The following APH1B variants were observed in gnomAD, a reference collection of about 807,000 sequenced individuals.
APH1B encodes gamma-secretase subunit APH-1B.
Under a neutral mutation model 28.2 loss-of-function variants are expected in APH1B, and 27 were observed. That is an observed-to-expected ratio of 0.96 (90% CI 0.70 to 1.32). The LOEUF (loss-of-function observed/expected upper bound fraction) is 1.32, where lower values mean the gene tolerates loss of function less well. Ranked by LOEUF, APH1B falls within the 40% of genes most tolerant of loss-of-function variation. The pLI, the probability that APH1B is intolerant of heterozygous loss-of-function variation, is 0.00. For synonymous variants in APH1B, 141 were observed against 124.6 expected, an observed-to-expected ratio of 1.13 and a Z score of -0.88; for missense variants, 305 against 313.6, an observed-to-expected ratio of 0.97 and a Z score of 0.21.
intron 4 of APH1B, among the ~76,000 whole-genome samples, chr15:63,294,339 C>G (rs2038541010): frequency 1.3e-5 from 2 of 152,212 alleles, no homozygotes; most frequent in South Asian, 2.1e-4. Context: ...TAGCCCCGCC[C>G]CCCGGCAACC....
At chr15:63,282,376 A>G (rs1334378572) in intron 2 of APH1B, among the ~76,000 whole-genome samples, 3 of 152,196 alleles carry the variant, frequency 2.0e-5, no homozygotes, top group African/African-American at 7.2e-5. Context: ...TATTCATTGC[A>G]ATCTAATAAT....
chr15:63,295,334 G>T (rs2038553886), intron 4 of APH1B, among the ~76,000 whole-genome samples: 1 of 152,242 alleles, frequency 6.6e-6, no homozygotes, highest in African/African-American at 2.4e-5. Flanking sequence ...TTAGGGGATT[G>T]TACTCCAGGC....
Position 63,305,596 on chromosome 15 carries a change from T to C in APH1B, c.607-18T>C, listed in dbSNP as rs2038677853. 17 of 1,613,166 alleles carry C rather than the reference T, an allele frequency of 1.1e-5. No homozygotes were observed. The highest frequency in any genetic ancestry group is 1.4e-5 in the Non-Finnish European group (16 of 1,179,656). ...AGCTTGCTGTTATTACCCAAGCTGATTTATTTTTCTTTTGCAGACCTTCAT... is the reference window on the plus strand; with the variant it reads ...AGCTTGCTGTTATTACCCAAGCTGACTTATTTTTCTTTTGCAGACCTTCAT... On this transcript the variant is annotated intron_variant, in intron 5 of 5. Coordinates refer to ENST00000261879, the MANE Select transcript of APH1B (RefSeq NM_031301.4).
At chr15:63,299,722 TGAACTGTA>T (rs2038604729) in intron 4 of APH1B, among the ~76,000 whole-genome samples, 1 of 152,036 alleles carries the variant, frequency 6.6e-6, no homozygotes, top group Admixed American at 6.6e-5. Context: ...CATTTTTAAA[TGAACTGTA>T]GGCCTTGACT....
rs774621412 is a variant in APH1B at position 63,304,736 on chromosome 15, G to T, written c.607-878G>T. Among the ~76,000 whole-genome samples, 14 of 152,080 alleles carry T rather than the reference G, an allele frequency of 9.2e-5. No individual in the cohort carries two copies. Among genetic ancestry groups the T allele is most frequent in the Non-Finnish European group, 1.6e-4 (11 of 68,006 alleles). On this transcript the variant is annotated intron_variant, in intron 5 of 5. Coordinates refer to ENST00000261879, the MANE Select transcript of APH1B (RefSeq NM_031301.4). The surrounding 1 kb of genome is among the most constrained non-coding windows in gnomAD (Gnocchi z 5.1). Reference sequence around the variant, plus strand: ...ACAATCATGTATTGCTTTTGTAATTGTTTAAAAGAGGAAAAATGTTTTTTA... The same window carrying T: ...ACAATCATGTATTGCTTTTGTAATTTTTTAAAAGAGGAAAAATGTTTTTTA...
chr15:63,305,516 T>G (rs2038676900), intron 5 of APH1B, 98 bp from the exon 6 acceptor site: 1 of 1,411,176 alleles, frequency 7.1e-7, no homozygotes, highest in South Asian at 1.3e-5. Flanking sequence ...CACACCCAAG[T>G]TCTTGAAAGT....
chr15:63,298,063 G>A (rs1244280486), intron 4 of APH1B, among the ~76,000 whole-genome samples: 1 of 152,210 alleles, frequency 6.6e-6, no homozygotes, highest in Non-Finnish European at 1.5e-5. Context: ...CCAGTGGCTA[G>A]AAAGTGCCTG....
intron 1 of APH1B, chr15:63,278,255 A>T: frequency 2.2e-6 from 1 of 449,116 alleles, no homozygotes; most frequent in Non-Finnish European, 4.4e-6. Context: ...AAAAAAAAAA[A>T]AATTTAAGCT....
In APH1B at chr15:63,277,675, C is replaced by G. The variant is rs746906838; in HGVS notation, c.52C>G (p.Leu18Val). ...CGCCTTCATTGCCTTCGGGCCTGCGCTCGCCCTTTATGTCTTCACCATCGC... is the reference window on the plus strand; with the variant it reads ...CGCCTTCATTGCCTTCGGGCCTGCGGTCGCCCTTTATGTCTTCACCATCGC... Reference protein sequence around the residue: ...GCAFIAFGPALALYVFTIATE... With the variant: ...GCAFIAFGPAVALYVFTIATE... Residue 18 changes from leucine (L) to valine (V), a missense_variant, in exon 1 of 6, where the codon CTC becomes GTC. Leu to Val is a conservative substitution (Grantham distance 32, BLOSUM62 1). Transcript: ENST00000261879. The G allele has an allele frequency of 2.5e-6, 4 of 1,610,730 alleles. No homozygotes were observed. The Admixed American group carries it at 5.0e-5, about 20-fold the overall frequency.
In APH1B at chr15:63,287,536, C is replaced by G. The variant is rs1210065085; in HGVS notation, c.468C>G (p.Phe156Leu). 2 of 1,613,820 alleles carry G rather than the reference C, an allele frequency of 1.2e-6. No homozygotes were observed. The highest frequency in any genetic ancestry group is 1.7e-6 in the Non-Finnish European group (2 of 1,179,820). ...TTCATGGAGATTCTCCTCAATTCTT[C>G]CTTTATTCAGGTATGTGTCTCATAG... ...VGIHGDSPQF[F>L]LYSAFMTLVI... The change falls in exon 4 of 6, where the codon TTC becomes TTG. Residue 156 changes from phenylalanine to leucine, a missense_variant. Transcript: ENST00000261879.
chr15:63,298,386 T>A (rs2038589924), intron 4 of APH1B, among the ~76,000 whole-genome samples: 1 of 152,036 alleles, frequency 6.6e-6, no homozygotes, highest in Non-Finnish European at 1.5e-5. Context: ...AATTTTTGTA[T>A]TTGTTGTAGA....
chr15:63,279,490 T>G (rs1274660844), intron 2 of APH1B, among the ~76,000 whole-genome samples, 159 bp downstream of exon 2: 3 of 152,226 alleles, frequency 2.0e-5, no homozygotes, highest in Non-Finnish European at 4.4e-5. Context: ...GAGTGTTCTT[T>G]TATCTTGTGG....
rs1485989533 is a variant in APH1B, at chr15:63,305,791, A to C, written c.*10A>C. ...CCAGCGCTCCAGATAACCTCAGGGA[A>C]CCAGCACTTCCCAAACCGCAGACTA... On this transcript the variant is annotated 3_prime_UTR_variant, in exon 6 of 6. Coordinates refer to ENST00000261879, the MANE Select transcript of APH1B (RefSeq NM_031301.4). 6.2e-7 allele frequency: 1 copy of C among 1,609,760 alleles called. No homozygotes were observed. The highest frequency in any genetic ancestry group is 1.3e-5 in the African/African-American group (1 of 74,656).
intron 3 of APH1B, 45 bp from the exon 4 acceptor site, chr15:63,287,379 A>T: frequency 3.7e-6 from 6 of 1,605,102 alleles, no homozygotes; most frequent in Non-Finnish European, 5.1e-6. Context: ...TTTGACTTGA[A>T]ATCTTGGCAG....
rs1346759320 is a variant in APH1B, at chr15:63,306,828, A to G, written c.*1047A>G. On this transcript the variant is annotated 3_prime_UTR_variant, in exon 6 of 6. Transcript: ENST00000261879. ...CACTTTCACCCAAATGGCTTAATGTAATATTGGAAATAGATCTTAAACTGC... is the reference window on the plus strand; with the variant it reads ...CACTTTCACCCAAATGGCTTAATGTGATATTGGAAATAGATCTTAAACTGC... The G allele has an allele frequency of 6.6e-6, 1 of 152,242 alleles. No homozygotes were observed. Among genetic ancestry groups the G allele is most frequent in the East Asian group, 1.9e-4 (1 of 5,202 alleles). 9.4% of individuals were successfully genotyped at this position (152,242 alleles called of 1,614,324 possible).
Position 63,303,046 on chromosome 15 carries a change from G to A in APH1B, c.606+574G>A, listed in dbSNP as rs1270075606. The stretch of plus-strand genomic sequence containing the variant: ...GGAAAGAACCTAGGAAGTTTGAAAA[G>A]TATATACCAAAATGTTCATAGTAGT... On this transcript the variant is annotated intron_variant, in intron 5 of 5. Transcript: ENST00000261879. Among the ~76,000 whole-genome samples the A allele has an allele frequency of 3.3e-5, 5 of 152,146 alleles. No homozygotes were observed. In the East Asian group the frequency reaches 7.7e-4, roughly 23 times the overall value.
chr15:63,279,281 C>G lies in APH1B; in HGVS notation c.234C>G (p.Val78=). 9 of 1,612,098 alleles carry G rather than the reference C, an allele frequency of 5.6e-6. No individual in the cohort carries two copies. The highest frequency in any genetic ancestry group is 7.6e-6 in the Non-Finnish European group (9 of 1,178,532). Residue 78 remains valine (V), a synonymous_variant, in exon 2 of 6, where the codon GTC becomes GTG. Coordinates refer to ENST00000261879, the MANE Select transcript of APH1B (RefSeq NM_031301.4). ...ATCTGCTGATCTTTGGAGCGTTTGT[C>G]TCTGTCTATATCCAAGAAATGTTCC... ...QKYLLIFGAF[V]SVYIQEMFRF... is the part of the protein sequence containing the mutation.
Position 63,277,755 on chromosome 15 carries a change from G to T in APH1B, c.113+19G>T, listed in dbSNP as rs1326480372. ...TCGCCGGGTGAGGCGGTCGCGTCGG[G>T]AAACCCGGACGCCGGGGCTCCCCTC... is the stretch of plus-strand genomic sequence containing the variant. On this transcript the variant is annotated intron_variant, in intron 1 of 5. Coordinates refer to ENST00000261879, the MANE Select transcript of APH1B (RefSeq NM_031301.4). 1.9e-6 allele frequency: 3 copies of T among 1,604,498 alleles called. No homozygotes were observed. In the Admixed American group the frequency reaches 5.1e-5, roughly 27 times the overall value.
intron 3 of APH1B, 113 bp downstream of exon 3, chr15:63,286,741 C>A: frequency 3.1e-6 from 3 of 976,662 alleles, no homozygotes; most frequent in African/African-American, 1.7e-5. Context: ...ACTGCCTTGG[C>A]CTATTGGTGT....
Sources: allele counts gnomAD v4.1 joint callset (sites outside exome capture counted in the v4.1 genomes callset), GRCh38; gene constraint gnomAD v4.1.1; non-coding constraint Gnocchi (gnomAD v3.1); transcripts MANE v1.5; gene names NCBI Gene and HGNC (gene_info 2026-07-23, HGNC 2026-07-21).